The following COL5A2 variants were observed in gnomAD, a reference collection of about 807,000 sequenced individuals.
COL5A2 encodes the protein collagen type V alpha 2 chain.
COL5A2 carries 23 observed loss-of-function variants against 208.2 expected under a neutral mutation model. That is an observed-to-expected ratio of 0.11 (90% CI 0.08 to 0.16). The LOEUF (loss-of-function observed/expected upper bound fraction) is 0.16. Among genes scored for constraint, COL5A2 ranks in the 10% least tolerant of loss-of-function variants. COL5A2 has a pLI of 1.00. For synonymous variants in COL5A2, 625 were observed against 628.5 expected (o/e 0.99, Z 0.08); for missense variants, 1,590 against 1,956.4 (o/e 0.81, Z 3.53).
the COL5A2 span, among the ~76,000 whole-genome samples, chr2:189,359,188 T>C: frequency 6.6e-6 from 1 of 152,214 alleles, no homozygotes; most frequent in Non-Finnish European, 1.5e-5. Context: ...CCATTGAGTA[T>C]GATATTAGCT....
chr2:189,115,185 A>C (rs1028639788), intron 1 of COL5A2, among the ~76,000 whole-genome samples: 1 of 152,128 alleles, frequency 6.6e-6, no homozygotes, highest in Non-Finnish European at 1.5e-5. Flanking sequence ...TTTGAAATCA[A>C]CTCAATTTTT....
chr2:189,056,361 T>C (rs1194786964), intron 35 of COL5A2, among the ~76,000 whole-genome samples: 3 of 152,348 alleles, frequency 2.0e-5, no homozygotes, highest in Non-Finnish European at 4.4e-5. Flanking sequence ...TCTGAAAATA[T>C]ATTGTCCTTC....
chr2:189,309,264 C>T, the COL5A2 span, among the ~76,000 whole-genome samples: 2 of 152,156 alleles, frequency 1.3e-5, no homozygotes, highest in African/African-American at 4.8e-5. Flanking sequence ...AAACCTGAAA[C>T]GTGATCAGTA....
the COL5A2 span, among the ~76,000 whole-genome samples, chr2:189,395,740 T>C: frequency 2.6e-4 from 39 of 150,244 alleles, no homozygotes; most frequent in African/African-American, 8.9e-4. Flanking sequence ...CCCGTCTCTA[T>C]TAAAAATACA....
In COL5A2 at chr2:189,092,349, A is replaced by T. The variant is rs751404827; in HGVS notation, c.528T>A (p.Pro176=). 9 of 1,610,074 alleles carry T rather than the reference A, an allele frequency of 5.6e-6. No individual in the cohort carries two copies. The highest frequency in any genetic ancestry group is 7.6e-6 in the Non-Finnish European group (9 of 1,178,226). ...VPGQPGAPGP[P]GHPSHPGPDG... Reference sequence around the variant, plus strand: ...CGGGTCCTGGGTGGGACGGATGTCCAGGAGGTCCTGGAGCACCAGGTTGAC... The same window carrying T: ...CGGGTCCTGGGTGGGACGGATGTCCTGGAGGTCCTGGAGCACCAGGTTGAC... Residue 176 remains proline (P), a synonymous_variant, in exon 7 of 54, where the codon CCT becomes CCA. Transcript: ENST00000374866.
chr2:189,326,680 G>A, the COL5A2 span, among the ~76,000 whole-genome samples: 13 of 151,896 alleles, frequency 8.6e-5, no homozygotes, highest in Non-Finnish European at 1.2e-4. Context: ...GACAGAGGAA[G>A]CTCCTGTCTC....
chr2:189,353,941 T>C, the COL5A2 span, among the ~76,000 whole-genome samples: 1 of 152,124 alleles, frequency 6.6e-6, no homozygotes, highest in African/African-American at 2.4e-5. Flanking sequence ...TAAATAGCTC[T>C]ATTTTGAGAT....
intron 1 of COL5A2, among the ~76,000 whole-genome samples, chr2:189,191,220 A>G (rs1688923872): frequency 6.6e-6 from 1 of 151,508 alleles, no homozygotes; most frequent in Admixed American, 6.6e-5. Context: ...GAAATTGGTT[A>G]GTAGCCTAGC....
rs1686282813 is a variant in COL5A2 at position 189,071,896 on chromosome 2, A to G, written c.1158+144T>C. ...TTTTTAATGTATCTTTTTCCATGTA[A>G]TAATGAAAAATGAGCATACTCTAGG... is the stretch of plus-strand genomic sequence containing the variant. On this transcript the variant is annotated intron_variant, in intron 18 of 53. Transcript: ENST00000374866. 4 of 591,970 alleles carry G rather than the reference A, an allele frequency of 6.8e-6. No homozygotes were observed. In the South Asian group the frequency reaches 9.2e-5, roughly 14 times the overall value. 36.7% of individuals were successfully genotyped at this position (591,970 alleles called of 1,614,324 possible).
chr2:189,440,690 A>G, the COL5A2 span, among the ~76,000 whole-genome samples: 1 of 152,190 alleles, frequency 6.6e-6, no homozygotes, highest in Non-Finnish European at 1.5e-5. Context: ...ACAAAGGAAA[A>G]CTGGAGATAA....
the COL5A2 span, among the ~76,000 whole-genome samples, chr2:189,332,610 C>T: frequency 0.036 from 5,544 of 152,198 alleles, 120 homozygotes; most frequent in Admixed American, 0.05. Context: ...ACACAAGCTC[C>T]CTCTTTGCCT....
chr2:189,322,838 T>A, the COL5A2 span, among the ~76,000 whole-genome samples: 1 of 152,082 alleles, frequency 6.6e-6, no homozygotes, highest in African/African-American at 2.4e-5. Flanking sequence ...GAGGCCAACA[T>A]CATGATATCA....
the COL5A2 span, among the ~76,000 whole-genome samples, chr2:189,282,733 G>A: frequency 6.6e-6 from 1 of 152,162 alleles, no homozygotes; most frequent in South Asian, 2.1e-4. Context: ...CTACATTGAT[G>A]CCTGGGTTCA....
the COL5A2 span, among the ~76,000 whole-genome samples, chr2:189,233,262 C>A: frequency 6.6e-6 from 1 of 151,596 alleles, no homozygotes; most frequent in African/African-American, 2.4e-5. Context: ...AGGCTGAGAT[C>A]CAGGAAAGAT....
intron 6 of COL5A2, among the ~76,000 whole-genome samples, chr2:189,094,118 C>T (rs561448703): frequency 1.3e-5 from 2 of 152,298 alleles, no homozygotes; most frequent in African/African-American, 4.8e-5. Context: ...GTAATTAACA[C>T]TTCGTATTTC....
At chr2:189,054,407 T>C (rs759335517) in intron 35 of COL5A2, among the ~76,000 whole-genome samples, 195 bp from the exon 36 acceptor site, 2 of 152,204 alleles carry the variant, frequency 1.3e-5, no homozygotes, top group Non-Finnish European at 2.9e-5. Flanking sequence ...ATTTCCACCA[T>C]ATTTTCTCCA....
the COL5A2 span, among the ~76,000 whole-genome samples, chr2:189,317,539 CTT>C: frequency 3.3e-5 from 5 of 152,018 alleles, no homozygotes. Flanking sequence ...AACAAGGACT[CTT>C]AATAACATTC....
At chr2:189,110,522 T>C (rs1038965173) in intron 1 of COL5A2, 73 bp from the exon 2 acceptor site, 2 of 1,422,950 alleles carry the variant, frequency 1.4e-6, no homozygotes, top group African/African-American at 1.4e-5. Flanking sequence ...GTGAGCCATC[T>C]TGTGGATTCT....
chr2:189,176,449 T>C (rs1688679852), intron 1 of COL5A2, among the ~76,000 whole-genome samples: 1 of 152,176 alleles, frequency 6.6e-6, no homozygotes, highest in Non-Finnish European at 1.5e-5. Flanking sequence ...GTTTACAGTA[T>C]TTGGAAACAA....
Sources: gnomAD v4.1 joint callset for allele counts (sites outside exome capture counted in the v4.1 genomes callset) on GRCh38, gnomAD v4.1.1 for gene constraint, MANE v1.5 for transcripts, NCBI Gene and HGNC (gene_info 2026-07-23, HGNC 2026-07-21) for gene names.